Variants in FAXC observed in about 807,000 individuals in gnomAD.
FAXC encodes failed axon connections homolog, metaxin like GST domain containing.
FAXC carries 10 observed loss-of-function variants against 41.9 expected under a neutral mutation model. That is an observed-to-expected ratio of 0.24 (90% confidence interval 0.15 to 0.41). FAXC has a LOEUF of 0.41. FAXC is among the 10% of genes least tolerant of loss of function. FAXC has a pLI of 1.00. For missense variants in FAXC, 399 were observed against 510.9 expected (o/e 0.78, Z 2.11); for synonymous variants, 183 against 183.8 (o/e 1.00, Z 0.03).
intron 3 of FAXC, among the ~76,000 whole-genome samples, chr6:99,333,034 GTCATGCT>G (rs1773084557): frequency 6.6e-6 from 1 of 152,160 alleles, no homozygotes; most frequent in Non-Finnish European, 1.5e-5. Context: ...GCAGAACACG[GTCATGCT>G]CATTTGTTGG....
intron 2 of FAXC, 147 bp from the exon 3 acceptor site, chr6:99,333,694 C>CAAT (rs1408438086): frequency 1.5e-6 from 1 of 648,844 alleles, no homozygotes; most frequent in Non-Finnish European, 2.5e-6. Context: ...CTCCTTAAGA[C>CAAT]AATACATGGT....
Position 99,275,065 on chromosome 6 carries a change from C to CA in FAXC, c.*6098dup, listed in dbSNP as rs1377951079. On this transcript the variant is annotated 3_prime_UTR_variant, in exon 6 of 6. Coordinates refer to ENST00000389677, the MANE Select transcript of FAXC (RefSeq NM_032511.4). ...TTAGAAGCCATGGGGTAACTAAAAA[C>CA]AAAAAAGGTATTAAATAAGGAAAAA... The CA allele has an allele frequency of 6.6e-6, 1 of 151,272 alleles. No individual in the cohort carries two copies. The highest frequency in any genetic ancestry group is 1.5e-5 in the Non-Finnish European group (1 of 67,792). 9.4% of individuals were successfully genotyped at this position (151,272 alleles called of 1,614,324 possible).
chr6:99,349,759 C>G (rs1172454277), upstream of FAXC: 3 of 152,036 alleles, frequency 2.0e-5, no homozygotes, highest in South Asian at 4.1e-4. Context: ...CCCGCATCTC[C>G]GCGGTCCGGC....
chr6:99,297,642 G>T lies in FAXC; in HGVS notation c.824-5822C>A, dbSNP rs1771548503. Among the ~76,000 whole-genome samples the T allele has an allele frequency of 3.3e-5, 5 of 152,262 alleles. No homozygotes were observed. The South Asian group carries it at 1.0e-3, about 32-fold the overall frequency. ...GGCTCTGAGCCGCCCCCTTGGGGAG[G>T]ATGTATGAGAGCTGACAGTGTGTGA... On this transcript the variant is annotated intron_variant, in intron 4 of 5. Transcript: ENST00000389677.
At chr6:99,293,928 C>T (rs1278066474) in intron 4 of FAXC, among the ~76,000 whole-genome samples, 4 of 151,956 alleles carry the variant, frequency 2.6e-5, no homozygotes, top group Non-Finnish European at 4.4e-5. Flanking sequence ...TGACAATGCA[C>T]AGGAAAGACA....
intron 2 of FAXC, among the ~76,000 whole-genome samples, chr6:99,342,206 T>C (rs1374570348): frequency 1.3e-5 from 2 of 152,324 alleles, no homozygotes; most frequent in South Asian, 2.1e-4. Flanking sequence ...CTACTGGGCC[T>C]TCTGCCCCCA....
rs1770805711 is a variant in FAXC at position 99,280,903 on chromosome 6, T to C, written c.*261A>G. 1.5e-5 allele frequency: 6 copies of C among 388,768 alleles called. No individual in the cohort carries two copies. In the South Asian group the frequency reaches 1.9e-4, roughly 12 times the overall value. 24.1% of individuals were successfully genotyped at this position (388,768 alleles called of 1,614,324 possible). ...CTGCTCTACCACACAATATTATTAA[T>C]AGTTTTCTAATGAAAACAAAAATGG... On this transcript the variant is annotated 3_prime_UTR_variant, in exon 6 of 6. Coordinates refer to ENST00000389677, the MANE Select transcript of FAXC (RefSeq NM_032511.4).
chr6:99,287,780 C>G (rs140076451), intron 5 of FAXC, among the ~76,000 whole-genome samples: 2 of 152,264 alleles, frequency 1.3e-5, no homozygotes, highest in East Asian at 1.9e-4. Flanking sequence ...ACCACAGAGA[C>G]AGCAAAGGCA....
intron 4 of FAXC, among the ~76,000 whole-genome samples, chr6:99,316,156 C>T (rs1418477196): frequency 1.7e-5 from 2 of 120,168 alleles, no homozygotes; most frequent in African/African-American, 5.6e-5. Flanking sequence ...TTAACCCACT[C>T]GCCCCCCCCC....
chr6:99,318,264 C>A (rs796318830), intron 4 of FAXC, among the ~76,000 whole-genome samples: 74 of 61,296 alleles, frequency 1.2e-3, no homozygotes, highest in African/African-American at 5.5e-3. Flanking sequence ...GTCTCAAACA[C>A]ACACACACAC....
At chr6:99,341,735 C>T (rs759054313) in intron 2 of FAXC, among the ~76,000 whole-genome samples, 6 of 151,972 alleles carry the variant, frequency 3.9e-5, no homozygotes, top group Non-Finnish European at 5.9e-5. Context: ...ATACACTAAA[C>T]GTGTTTAAGC....
In FAXC at chr6:99,276,888, T is replaced by C. The variant is rs1459236349; in HGVS notation, c.*4276A>G. ...CAAAAAGTGAAAATTCACTATTTAA[T>C]GGTATGTGACTCACTCTCTGAGCAT... On this transcript the variant is annotated 3_prime_UTR_variant, in exon 6 of 6. Coordinates refer to ENST00000389677, the MANE Select transcript of FAXC (RefSeq NM_032511.4). The C allele has an allele frequency of 6.6e-6, 1 of 152,254 alleles. No individual in the cohort carries two copies. Among genetic ancestry groups the C allele is most frequent in the Admixed American group, 6.5e-5 (1 of 15,282 alleles). The allele number at this position is 152,254 out of a possible 1,614,324, so 9.4% of individuals were successfully genotyped here.
chr6:99,309,332 A>G (rs1274666293), intron 4 of FAXC, among the ~76,000 whole-genome samples: 1 of 152,214 alleles, frequency 6.6e-6, no homozygotes, highest in Non-Finnish European at 1.5e-5. Context: ...AGACCCAGAA[A>G]TAGAGACCAG....
At chr6:99,317,497 C>G (rs1385075611) in intron 4 of FAXC, among the ~76,000 whole-genome samples, 1 of 151,826 alleles carries the variant, frequency 6.6e-6, no homozygotes, top group Non-Finnish European at 1.5e-5. Context: ...CCTGACATAA[C>G]TTAACTTCTG....
intron 4 of FAXC, among the ~76,000 whole-genome samples, chr6:99,303,505 A>C (rs1771793580): frequency 6.6e-6 from 1 of 152,220 alleles, no homozygotes; most frequent in Admixed American, 6.5e-5. Flanking sequence ...TTCATGAAGA[A>C]GTATTCTGGC....
At chr6:99,302,470 A>G (rs768189858) in intron 4 of FAXC, among the ~76,000 whole-genome samples, 4 of 152,174 alleles carry the variant, frequency 2.6e-5, no homozygotes, top group Non-Finnish European at 4.4e-5. Flanking sequence ...AGCCTGGCCA[A>G]CATGGTGAAA....
At chr6:99,345,027 CAT>C (rs1773545070) in intron 1 of FAXC, among the ~76,000 whole-genome samples, 2 of 152,212 alleles carry the variant, frequency 1.3e-5, no homozygotes, top group South Asian at 2.1e-4. Context: ...TTTGGGATAT[CAT>C]ATTATACTAT....
At chr6:99,350,028 G>A (rs1330904527), upstream of FAXC, 2 of 152,314 alleles carry the variant, frequency 1.3e-5, no homozygotes, top group Non-Finnish European at 2.9e-5. Context: ...GGGGCGGCGC[G>A]GAGCTGCGGG....
In FAXC at chr6:99,281,369, A is replaced by G; in HGVS notation, c.1025T>C (p.Ile342Thr). 6.2e-7 allele frequency: 1 copy of G among 1,614,138 alleles called. No homozygotes were observed. Among genetic ancestry groups the G allele is most frequent in the Non-Finnish European group, 8.5e-7 (1 of 1,180,012 alleles). The change falls in exon 6 of 6, where the codon ATC (isoleucine) becomes ACC (threonine). Residue 342 changes from isoleucine to threonine, a missense_variant. Physicochemically the swap from Ile to Thr is moderately conservative, Grantham distance 89. Around this residue, in one of 3 missense-constraint regions of FAXC, gnomAD observed 92 missense variants for 94.9 expected, o/e 0.97. Transcript: ENST00000389677. ...TTCGCTGCTCTCCTCAGACTCATAG[A>G]TGGTATTGTCATCATCGTGGTGCCA... Reference protein sequence around the residue: ...PEWHHDDDNTIYESEESSEGS... With the variant: ...PEWHHDDDNTTYESEESSEGS...
Sources: allele counts gnomAD v4.1 joint callset (sites outside exome capture counted in the v4.1 genomes callset), GRCh38; gene constraint gnomAD v4.1.1; regional missense constraint gnomAD v4.1.1; transcripts MANE v1.5; gene names NCBI Gene and HGNC (gene_info 2026-07-23, HGNC 2026-07-21).